ADRA1A: variants seen among roughly 807,000 people sequenced by gnomAD.
ADRA1A encodes alpha-1A adrenergic receptor.
A neutral mutation model predicts 29.6 loss-of-function variants in ADRA1A; 31 were observed. That is an observed-to-expected ratio of 1.05 (90% confidence interval 0.79 to 1.41). The LOEUF (loss-of-function observed/expected upper bound fraction) is 1.41, where lower values mean the gene tolerates loss of function less well. ADRA1A is among the 40% of genes most tolerant of loss of function. The pLI is 0.00. For synonymous variants in ADRA1A, 311 were observed against 254.3 expected (o/e 1.22, Z -2.12); for missense variants, 619 against 601.1 (o/e 1.03, Z -0.31).
At chr8:26,804,145 C>T (rs370367129) in intron 2 of ADRA1A, among the ~76,000 whole-genome samples, 2 of 152,036 alleles carry the variant, frequency 1.3e-5, no homozygotes, top group East Asian at 3.9e-4. Flanking sequence ...TGGTCTCAAA[C>T]TCAAGGGTCA....
intron 2 of ADRA1A, among the ~76,000 whole-genome samples, chr8:26,809,923 T>C (rs1360324521): frequency 6.6e-6 from 1 of 152,254 alleles, no homozygotes; most frequent in African/African-American, 2.4e-5. Context: ...TTAGACTTCC[T>C]AGATTGTTCA....
At chr8:26,816,699 A>G (rs1809792564) in intron 2 of ADRA1A, among the ~76,000 whole-genome samples, 1 of 152,156 alleles carries the variant, frequency 6.6e-6, no homozygotes, top group Non-Finnish European at 1.5e-5. Context: ...TCACACCTCC[A>G]TGTGGCACCT....
chr8:26,799,839 T>C (rs558217175), intron 2 of ADRA1A, among the ~76,000 whole-genome samples: 1 of 152,194 alleles, frequency 6.6e-6, no homozygotes, highest in African/African-American at 2.4e-5. Flanking sequence ...TCAAAAGTGA[T>C]TTAAGAAGAA....
chr8:26,758,110 G>T (rs1306748845), intron 2 of ADRA1A, among the ~76,000 whole-genome samples: 1 of 152,178 alleles, frequency 6.6e-6, no homozygotes, highest in Non-Finnish European at 1.5e-5. Context: ...TCCAGGTGGG[G>T]ATATTTCCAA....
downstream of ADRA1A, chr8:26,765,767 G>A: frequency 2.5e-6 from 3 of 1,183,446 alleles, no homozygotes; most frequent in Non-Finnish European, 3.1e-6. Context: ...CACAGAGGCA[G>A]CATCTTTTTT....
rs1810338992 is a variant in ADRA1A, at chr8:26,823,592, T to A, written c.883+40495A>T. On this transcript the variant is annotated intron_variant, in intron 2 of 2. Transcript: ENST00000380573. This position sits in a 1 kb window ranked among gnomAD's most constrained non-coding sequence, Gnocchi z 4.2. ...GGGAGCGCTGGGCTAAGGATCAGGCTGCTTGGGCTATCAACATATTTGTGT... is the reference window on the plus strand; with the variant it reads ...GGGAGCGCTGGGCTAAGGATCAGGCAGCTTGGGCTATCAACATATTTGTGT... Among the ~76,000 whole-genome samples, 1 of 152,218 alleles carries A rather than the reference T, an allele frequency of 6.6e-6. No homozygotes were observed. Among genetic ancestry groups the A allele is most frequent in the Non-Finnish European group, 1.5e-5 (1 of 68,028 alleles).
In ADRA1A at chr8:26,831,154, T is replaced by C. The variant is rs907758278; in HGVS notation, c.883+32933A>G. The stretch of plus-strand genomic sequence containing the variant: ...CCTTGGCAGCAAAGGCAAGATCCCC[T>C]GCTGACTTGTCAAACTCTCATATGG... On this transcript the variant is annotated intron_variant, in intron 2 of 2. Transcript: ENST00000380573. The surrounding 1 kb of genome is among the most constrained non-coding windows in gnomAD (Gnocchi z 5.2). Among the ~76,000 whole-genome samples the C allele has an allele frequency of 5.9e-5, 9 of 152,152 alleles. No individual in the cohort carries two copies. The highest frequency in any genetic ancestry group is 5.2e-4 in the Admixed American group (8 of 15,274).
At chr8:26,763,072 A>T (rs1442732355), downstream of ADRA1A, among the ~76,000 whole-genome samples, 4 of 152,158 alleles carry the variant, frequency 2.6e-5, no homozygotes, top group Non-Finnish European at 5.9e-5. This position sits in a 1 kb window ranked among gnomAD's most constrained non-coding sequence, Gnocchi z 4.5. Flanking sequence ...GTAGAGGAGG[A>T]GGAGGAGGAG....
intron 2 of ADRA1A, among the ~76,000 whole-genome samples, chr8:26,830,157 G>A (rs1563288161): frequency 6.6e-6 from 1 of 152,218 alleles, no homozygotes; most frequent in Non-Finnish European, 1.5e-5. Context: ...ACCCAGAGCT[G>A]ACCCTGCTTC....
downstream of ADRA1A, among the ~76,000 whole-genome samples, chr8:26,752,537 G>A (rs1449514251): frequency 1.3e-5 from 2 of 152,220 alleles, no homozygotes; most frequent in African/African-American, 4.8e-5. Context: ...TTGCTTATCT[G>A]TGCCTGCAGC....
chr8:26,865,782 C>T lies in ADRA1A; in HGVS notation c.-686-127G>A. The T allele has an allele frequency of 1.1e-6, 1 of 911,302 alleles. No individual in the cohort carries two copies. The highest frequency in any genetic ancestry group is 1.3e-6 in the Non-Finnish European group (1 of 762,602). The allele number at this position is 911,302 out of a possible 1,614,324, so 56.5% of individuals were successfully genotyped here. ...TGGTTCTGCGGTCCAGAAGCTGCTT[C>T]GCCCGGCAGCGGTGGAGGCGACTTC... On this transcript the variant is annotated intron_variant, in intron 1 of 2. Coordinates refer to ENST00000380573, the MANE Select transcript of ADRA1A (RefSeq NM_000680.4). This position sits in a 1 kb window ranked among gnomAD's most constrained non-coding sequence, Gnocchi z 7.6.
rs139051882 is a variant in ADRA1A at position 26,825,782 on chromosome 8, G to C, written c.883+38305C>G. 6.6e-6 allele frequency among the ~76,000 whole-genome samples: 1 copy of C among 152,118 alleles called. No homozygotes were observed. Among genetic ancestry groups the C allele is most frequent in the Non-Finnish European group, 1.5e-5 (1 of 68,020 alleles). ...AGGAACAGTCTCCCTTGTATCCTGC[G>C]GGCATTCTGGTTCGATACTAGGCAC... On this transcript the variant is annotated intron_variant, in intron 2 of 2. Transcript: ENST00000380573. The surrounding 1 kb of genome is among the most constrained non-coding windows in gnomAD (Gnocchi z 5.7).
intron 2 of ADRA1A, among the ~76,000 whole-genome samples, chr8:26,784,954 C>T (rs1807266370): frequency 1.3e-5 from 2 of 152,222 alleles, no homozygotes; most frequent in Middle Eastern, 6.8e-3. Context: ...TCACTGAGGC[C>T]AGAGACTGGG....
downstream of ADRA1A, chr8:26,756,286 G>T: frequency 2.1e-6 from 1 of 471,960 alleles, no homozygotes; most frequent in Non-Finnish European, 3.4e-6. Context: ...AACAAGGCTT[G>T]TACAGTATAC....
At chr8:26,790,877 T>A (rs1807766032) in intron 2 of ADRA1A, among the ~76,000 whole-genome samples, 1 of 152,188 alleles carries the variant, frequency 6.6e-6, no homozygotes, top group Non-Finnish European at 1.5e-5. Context: ...ATAGCAACCA[T>A]GTTTAAAAAT....
In ADRA1A at chr8:26,864,921, G is replaced by A. The variant is rs764320184; in HGVS notation, c.49C>T (p.Pro17Ser). The A allele has an allele frequency of 1.8e-5, 29 of 1,612,994 alleles. No homozygotes were observed. In the Admixed American group the frequency reaches 4.3e-4, roughly 24 times the overall value. Residue 17 changes from proline (P) to serine (S), a missense_variant, in exon 2 of 3, where the codon CCG (proline) becomes TCG (serine). Physicochemically the swap from Pro to Ser is moderately conservative, Grantham distance 74 (BLOSUM62 -1). Transcript: ENST00000380573. This position sits in a 1 kb window ranked among gnomAD's most constrained non-coding sequence, Gnocchi z 8.1. ...NASDSSNCTQ[P>S]PAPVNISKAI... ...TTGGAAATGTTCACCGGTGCCGGCG[G>A]TTGGGTGCAGTTGGAGCTGTCGGAA... is the stretch of plus-strand genomic sequence containing the variant.
chr8:26,831,975 G>T lies in ADRA1A; in HGVS notation c.883+32112C>A, dbSNP rs1276858625. ...GCTGGAGTGGGGACAGAGGCCTGCT[G>T]GTCTCACCCCACATTTCTCATCCAT... is the stretch of plus-strand genomic sequence containing the variant. On this transcript the variant is annotated intron_variant, in intron 2 of 2. Transcript: ENST00000380573. This position sits in a 1 kb window ranked among gnomAD's most constrained non-coding sequence, Gnocchi z 5.2. 6.6e-6 allele frequency among the ~76,000 whole-genome samples: 1 copy of T among 152,174 alleles called. No individual in the cohort carries two copies. The highest frequency in any genetic ancestry group is 1.5e-5 in the Non-Finnish European group (1 of 68,030).
At chr8:26,824,756 A>G (rs1810427310) in intron 2 of ADRA1A, among the ~76,000 whole-genome samples, 1 of 152,166 alleles carries the variant, frequency 6.6e-6, no homozygotes, top group Non-Finnish European at 1.5e-5. Flanking sequence ...AAAAACACAC[A>G]CATGGCCAAT....
intron 2 of ADRA1A, among the ~76,000 whole-genome samples, chr8:26,786,238 A>AT (rs1472667009): frequency 9.0e-6 from 1 of 111,622 alleles, no homozygotes; most frequent in South Asian, 2.6e-4. Context: ...TTTTATTTTT[A>AT]AATTTTTTTT....
Sources: allele counts gnomAD v4.1 joint callset (sites outside exome capture counted in the v4.1 genomes callset), GRCh38; gene constraint gnomAD v4.1.1; non-coding constraint Gnocchi (gnomAD v3.1); transcripts MANE v1.5; gene names NCBI Gene and HGNC (gene_info 2026-07-23, HGNC 2026-07-21).